ITPR1: variants seen among roughly 807,000 people sequenced by gnomAD.
ITPR1 encodes the protein inositol 1,4,5-trisphosphate-gated calcium channel ITPR1.
Under a neutral mutation model 318.4 loss-of-function variants are expected in ITPR1, and 96 were observed. That is an observed-to-expected ratio of 0.30 (90% confidence interval 0.26 to 0.36). The LOEUF is 0.36. Ranked by LOEUF, ITPR1 falls within the 10% of genes least tolerant of loss-of-function variation. The probability of loss-of-function intolerance (pLI) is 1.00; values close to 1 mark genes in which losing one functional copy is unlikely to be tolerated. For missense variants in ITPR1, 2,440 were observed against 3,460.2 expected (o/e 0.71, Z 7.40); for synonymous variants, 1,312 against 1,289.9 (o/e 1.02, Z -0.37).
At chr3:4,651,285 C>G (rs898678884) in intron 10 of ITPR1, among the ~76,000 whole-genome samples, 1 of 152,166 alleles carries the variant, frequency 6.6e-6, no homozygotes, top group Non-Finnish European at 1.5e-5. Context: ...GTGCAGACTT[C>G]CAGAGCTTTT....
chr3:4,812,006 A>T (rs2048967958), intron 56 of ITPR1, among the ~76,000 whole-genome samples: 1 of 151,706 alleles, frequency 6.6e-6, no homozygotes, highest in Non-Finnish European at 1.5e-5. Context: ...TGGAAATGGC[A>T]GAAGGATAAC....
chr3:4,508,198 C>T (rs956910744), intron 2 of ITPR1, among the ~76,000 whole-genome samples: 2 of 152,118 alleles, frequency 1.3e-5, no homozygotes, highest in East Asian at 3.9e-4. Flanking sequence ...ACTGTTCAGC[C>T]CCAGTGGCCA....
chr3:4,589,849 C>T (rs539817627), intron 4 of ITPR1, among the ~76,000 whole-genome samples: 2 of 152,138 alleles, frequency 1.3e-5, no homozygotes, highest in African/African-American at 4.8e-5. Flanking sequence ...TCTGGGTATG[C>T]GGCCAGGATT....
At chr3:4,767,499 C>T (rs1178586043) in intron 45 of ITPR1, among the ~76,000 whole-genome samples, 1 of 152,200 alleles carries the variant, frequency 6.6e-6, no homozygotes, top group African/African-American at 2.4e-5. Flanking sequence ...TACTAGGAAT[C>T]AGGCACTGTT....
intron 2 of ITPR1, 54 bp from the exon 3 acceptor site, chr3:4,516,422 C>A: frequency 2.1e-6 from 2 of 955,912 alleles, no homozygotes; most frequent in Non-Finnish European, 3.1e-6. Context: ...GACTTTTTTC[C>A]CCTTCTGAAC....
chr3:4,613,992 C>G (rs552634633), intron 4 of ITPR1, among the ~76,000 whole-genome samples: 2 of 152,282 alleles, frequency 1.3e-5, no homozygotes, highest in African/African-American at 4.8e-5. Flanking sequence ...GAGATAACCA[C>G]TGTTTTAATG....
intron 2 of ITPR1, among the ~76,000 whole-genome samples, chr3:4,507,529 A>C (rs781696376): frequency 6.6e-6 from 1 of 152,228 alleles, no homozygotes; most frequent in African/African-American, 2.4e-5. Flanking sequence ...TGCTTCCTAA[A>C]GTTCCTCCTG....
At chr3:4,658,088 T>G in intron 12 of ITPR1, 36 bp from the exon 13 acceptor site, 2 of 1,572,266 alleles carry the variant, frequency 1.3e-6, no homozygotes, top group Non-Finnish European at 1.7e-6. Context: ...GGCTTTGGCA[T>G]GCATGGTTCT....
At chr3:4,645,786 G>GCA in intron 10 of ITPR1, 58 bp downstream of exon 10, 1 of 965,102 alleles carries the variant, frequency 1.0e-6, no homozygotes, top group South Asian at 1.6e-5. Flanking sequence ...CTGTATATAG[G>GCA]CTCTCTCTCT....
chr3:4,618,248 CA>C lies in ITPR1; in HGVS notation c.164-9514del, dbSNP rs1407530259. Among the ~76,000 whole-genome samples the C allele has an allele frequency of 7.2e-5, 11 of 152,242 alleles. No individual in the cohort carries two copies. In the East Asian group the frequency reaches 1.9e-3, roughly 27 times the overall value. Reference sequence around the variant, plus strand: ...CACAAAAAAGTCAAATACTGATAAACATAACAGTATGACACCTCACGCCTTC... The same window carrying C: ...CACAAAAAAGTCAAATACTGATAAACTAACAGTATGACACCTCACGCCTTC... On this transcript the variant is annotated intron_variant, in intron 4 of 61. Transcript: ENST00000649015.
intron 61 of ITPR1, among the ~76,000 whole-genome samples, chr3:4,838,475 ATCT>A (rs1374311238): frequency 6.6e-6 from 1 of 151,718 alleles, no homozygotes; most frequent in African/African-American, 2.4e-5. Context: ...AGCTTTAGTT[ATCT>A]TCTTCTCCCA....
intron 4 of ITPR1, among the ~76,000 whole-genome samples, chr3:4,582,748 G>C (rs2089487512): frequency 1.3e-5 from 2 of 152,188 alleles, no homozygotes; most frequent in Admixed American, 6.5e-5. Flanking sequence ...TTTTCTGGGA[G>C]ATGATTAGCT....
At chr3:4,512,176 T>C (rs2081883125) in intron 2 of ITPR1, among the ~76,000 whole-genome samples, 1 of 152,118 alleles carries the variant, frequency 6.6e-6, no homozygotes. Flanking sequence ...AGAAATGGGG[T>C]CTGGCTGGTC....
chr3:4,680,388 G>A (rs1048886842), intron 24 of ITPR1, among the ~76,000 whole-genome samples, 165 bp from the exon 25 acceptor site: 3 of 152,200 alleles, frequency 2.0e-5, no homozygotes. Flanking sequence ...GAAGTCTGCT[G>A]TTGTTAAAAT....
intron 61 of ITPR1, among the ~76,000 whole-genome samples, chr3:4,838,089 G>A (rs2051062567): frequency 6.6e-6 from 1 of 152,070 alleles, no homozygotes; most frequent in South Asian, 2.1e-4. Flanking sequence ...ATCATACTTA[G>A]ATTTATATTA....
chr3:4,648,138 G>A lies in ITPR1; in HGVS notation c.855+2410G>A, dbSNP rs545945474. ...TTGCACTCCAGCCTGGGCAACAAGA[G>A]TGAAACTCTGTCTCAAAAAAAAAAA... is the stretch of plus-strand genomic sequence containing the variant. On this transcript the variant is annotated intron_variant, in intron 10 of 61. Transcript: ENST00000649015. Among the ~76,000 whole-genome samples, 10 of 152,000 alleles carry A rather than the reference G, an allele frequency of 6.6e-5. No homozygotes were observed. The East Asian group carries it at 1.5e-3, about 24-fold the overall frequency.
chr3:4,499,827 G>A (rs1352691592), intron 2 of ITPR1, among the ~76,000 whole-genome samples: 1 of 152,114 alleles, frequency 6.6e-6, no homozygotes, highest in Non-Finnish European at 1.5e-5. Flanking sequence ...AATTGAGAAG[G>A]GGTCTCACTA....
chr3:4,758,982 G>A (rs1302118066), intron 44 of ITPR1, among the ~76,000 whole-genome samples: 1 of 152,260 alleles, frequency 6.6e-6, no homozygotes, highest in Non-Finnish European at 1.5e-5. Context: ...AAGTGCTACA[G>A]TTGTCTAACA....
At position 4,834,933 on chromosome 3, in the gene ITPR1, C is replaced by T. The variant is rs187330795; in HGVS notation, c.8029-1841C>T. ...TGCCATTTTTCTCCTCCAGCAGTCA[C>T]GATAAGCAGCTCAGGCTTACTACTT... On this transcript the variant is annotated intron_variant, in intron 60 of 61. Coordinates refer to ENST00000649015, the MANE Select transcript of ITPR1 (RefSeq NM_001378452.1). Among the ~76,000 whole-genome samples the T allele has an allele frequency of 2.0e-4, 30 of 152,266 alleles. 1 individual carries two copies. The highest frequency in any genetic ancestry group is 1.2e-3 in the Admixed American group (18 of 15,300).
Sources: gnomAD v4.1 joint callset for allele counts (sites outside exome capture counted in the v4.1 genomes callset) on GRCh38, gnomAD v4.1.1 for gene constraint, MANE v1.5 for transcripts, NCBI Gene and HGNC (gene_info 2026-07-23, HGNC 2026-07-21) for gene names.